Variants in TMEM25 observed in about 807,000 individuals in gnomAD.
The protein encoded by TMEM25 is transmembrane protein 25, also known as 0610039J01Rik.
Under a neutral mutation model 37.0 loss-of-function variants are expected in TMEM25, and 36 were observed. The ratio of observed to expected loss-of-function variants is 0.97; its 90% confidence interval spans 0.75 to 1.28. The LOEUF (loss-of-function observed/expected upper bound fraction) is 1.28, where lower values mean the gene tolerates loss of function less well. Among genes scored for constraint, TMEM25 ranks in the 50% most tolerant of loss-of-function variants. The pLI, the probability that TMEM25 is intolerant of heterozygous loss-of-function variation, is 0.00. For missense variants in TMEM25, 444 were observed against 477.9 expected (o/e 0.93, Z 0.66); for synonymous variants, 197 against 203.7 (o/e 0.97, Z 0.28).
downstream of TMEM25, among the ~76,000 whole-genome samples, chr11:118,539,159 CA>C (rs1951546550): frequency 1.5e-5 from 2 of 136,438 alleles, no homozygotes; most frequent in Non-Finnish European, 3.1e-5. Flanking sequence ...AGGTCTTGGT[CA>C]TAAATTTTTT....
At chr11:118,532,016 C>T in intron 2 of TMEM25, 134 bp from the exon 3 acceptor site, 1 of 1,360,316 alleles carries the variant, frequency 7.4e-7, no homozygotes, top group Non-Finnish European at 9.9e-7. Flanking sequence ...TAGGTCCAAC[C>T]AGCCAGTCCC....
intron 8 of TMEM25, among the ~76,000 whole-genome samples, chr11:118,543,359 T>G (rs1307749081): frequency 1.3e-5 from 2 of 152,180 alleles, no homozygotes; most frequent in African/African-American, 4.8e-5. Context: ...GTTTTGTTTT[T>G]TTAGACAGCA....
intron 2 of TMEM25, 131 bp from the exon 3 acceptor site, chr11:118,532,019 C>T: frequency 7.4e-7 from 1 of 1,358,454 alleles, no homozygotes; most frequent in Non-Finnish European, 9.9e-7. Flanking sequence ...GTCCAACCAG[C>T]CAGTCCCTGG....
In TMEM25 at chr11:118,534,297, G is replaced by A; in HGVS notation, c.969G>A (p.Gln323=). 1.2e-6 allele frequency: 2 copies of A among 1,614,180 alleles called. No homozygotes were observed. Among genetic ancestry groups the A allele is most frequent in the Non-Finnish European group, 1.7e-6 (2 of 1,180,032 alleles). Residue 323 remains glutamine (Q), a synonymous_variant, in exon 8 of 9, where the codon CAG becomes CAA. Coordinates refer to ENST00000313236, the MANE Select transcript of TMEM25 (RefSeq NM_032780.4). The surrounding 1 kb of genome is among the most constrained non-coding windows in gnomAD (Gnocchi z 4.6). ...AVKPADRQMA[Q]NNSRPELLDP... ...AACCAGCAGACCGGCAGATGGCTCA[G>A]AACAACAGCCGGCCAGAGCTTCTGG...
At chr11:118,533,808 G>A in intron 5 of TMEM25, 49 bp from the exon 6 acceptor site, 1 of 1,613,308 alleles carries the variant, frequency 6.2e-7, no homozygotes, top group Non-Finnish European at 8.5e-7. Flanking sequence ...GGACAGCCCA[G>A]CGTGGGAGGG....
rs1555058656 is a variant in TMEM25 at position 118,531,895 on chromosome 11, C to T, written c.70+24C>T. The T allele has an allele frequency of 7.1e-5, 110 of 1,550,966 alleles. 1 individual carries two copies. The highest frequency in any genetic ancestry group is 9.3e-5 in the Non-Finnish European group (107 of 1,146,766). Reference sequence around the variant, plus strand: ...AGGTACACCCCTGTTCAGTCGTTGACCAAGTCCTTCTGGGTTCCAAAGCCC... The same window carrying T: ...AGGTACACCCCTGTTCAGTCGTTGATCAAGTCCTTCTGGGTTCCAAAGCCC... On this transcript the variant is annotated intron_variant, in intron 2 of 8. Coordinates refer to ENST00000313236, the MANE Select transcript of TMEM25 (RefSeq NM_032780.4).
Position 118,534,816 on chromosome 11 carries a change from T to C in TMEM25, c.*236T>C. The C allele has an allele frequency of 7.3e-7, 1 of 1,374,804 alleles. No homozygotes were observed. Among genetic ancestry groups the C allele is most frequent in the East Asian group, 2.9e-5 (1 of 34,534 alleles). 85.2% of individuals were successfully genotyped at this position (1,374,804 alleles called of 1,614,324 possible). ...CCAGTTGGACGTAAGCCCCTCATGC[T>C]GACTCAGGGTGGGCCCTGCATGTGA... is the stretch of plus-strand genomic sequence containing the variant. On this transcript the variant is annotated 3_prime_UTR_variant, in exon 9 of 9. Coordinates refer to ENST00000313236, the MANE Select transcript of TMEM25 (RefSeq NM_032780.4). The surrounding 1 kb of genome is among the most constrained non-coding windows in gnomAD (Gnocchi z 4.6).
intron 8 of TMEM25, chr11:118,545,731 G>A: frequency 1.3e-6 from 2 of 1,527,996 alleles, no homozygotes; most frequent in South Asian, 1.1e-5. Context: ...AAACAAGCCT[G>A]TCCAAAAGCC....
chr11:118,534,730 G>A lies in TMEM25; in HGVS notation c.*150G>A, dbSNP rs1951459349. ...CTGGCTGGGGTGCCCTCCATGTCAT[G>A]CACGTGATGCATTTCACTGGGCTGT... On this transcript the variant is annotated 3_prime_UTR_variant, in exon 9 of 9. Coordinates refer to ENST00000313236, the MANE Select transcript of TMEM25 (RefSeq NM_032780.4). This position sits in a 1 kb window ranked among gnomAD's most constrained non-coding sequence, Gnocchi z 4.6. The A allele has an allele frequency of 8.2e-6, 12 of 1,454,554 alleles. No homozygotes were observed. Among genetic ancestry groups the A allele is most frequent in the Non-Finnish European group, 1.1e-5 (12 of 1,103,492 alleles). The allele number at this position is 1,454,554 out of a possible 1,614,324, so 90.1% of individuals were successfully genotyped here.
At chr11:118,539,244 T>G (rs1555064621), downstream of TMEM25, among the ~76,000 whole-genome samples, 1 of 140,980 alleles carries the variant, frequency 7.1e-6, no homozygotes, top group Admixed American at 7.5e-5. Context: ...CTCGGCTCAC[T>G]GCAACCTCCA....
chr11:118,533,814 G>C, intron 5 of TMEM25, 43 bp from the exon 6 acceptor site: 1 of 1,613,478 alleles, frequency 6.2e-7, no homozygotes. Context: ...CCCAGCGTGG[G>C]AGGGCACACT....
intron 3 of TMEM25, 26 bp from the exon 4 acceptor site, chr11:118,532,891 G>A: frequency 6.3e-7 from 1 of 1,596,676 alleles, no homozygotes. Context: ...TGTGGTGAGA[G>A]CATATTGGCC....
chr11:118,533,255 G>A, intron 4 of TMEM25, 48 bp downstream of exon 4: 1 of 1,559,682 alleles, frequency 6.4e-7, no homozygotes. Flanking sequence ...GTGGGCTCAG[G>A]GGTCCCGTCC....
At chr11:118,537,540 T>TTTAAG (rs1951526917), downstream of TMEM25, among the ~76,000 whole-genome samples, 1 of 152,218 alleles carries the variant, frequency 6.6e-6, no homozygotes, top group Non-Finnish European at 1.5e-5. Context: ...TTTAACTCAC[T>TTTAAG]TCTTTTGTTT....
chr11:118,535,779 C>T lies in TMEM25; in HGVS notation c.*1199C>T. On this transcript the variant is annotated 3_prime_UTR_variant, in exon 9 of 9. Transcript: ENST00000313236. Reference sequence around the variant, plus strand: ...TTTTGTAATGTTTTTCATGTTACTGCCTAGGGCGGTGCTGAGCACACAGCA... The same window carrying T: ...TTTTGTAATGTTTTTCATGTTACTGTCTAGGGCGGTGCTGAGCACACAGCA... 2 of 1,340,992 alleles carry T rather than the reference C, an allele frequency of 1.5e-6. No homozygotes were observed. The highest frequency in any genetic ancestry group is 1.9e-6 in the Non-Finnish European group (2 of 1,049,048). The allele number at this position is 1,340,992 out of a possible 1,614,324, so 83.1% of individuals were successfully genotyped here.
intron 8 of TMEM25, among the ~76,000 whole-genome samples, chr11:118,543,799 T>TAAAC (rs1232890744): frequency 3.3e-5 from 5 of 149,456 alleles, no homozygotes; most frequent in East Asian, 2.0e-4. Context: ...TTCCCCATAT[T>TAAAC]AAACACCCCC....
chr11:118,532,826 C>G, intron 3 of TMEM25, 91 bp from the exon 4 acceptor site: 1 of 1,522,008 alleles, frequency 6.6e-7, no homozygotes, highest in East Asian at 2.3e-5. Context: ...AGGAGAGGCC[C>G]AGGCCCCTGG....
downstream of TMEM25, chr11:118,546,958 A>T (rs571794312): frequency 6.6e-6 from 1 of 152,368 alleles, no homozygotes; most frequent in East Asian, 1.9e-4. Context: ...AAAACAGAGT[A>T]CATATAGTTC....
chr11:118,546,007 C>A lies in TMEM25; in HGVS notation c.1028-112C>A, dbSNP rs143750903. 8.0e-4 allele frequency: 574 copies of A among 719,342 alleles called. 2 individuals carry two copies. In the African/African-American group the frequency reaches 8.5e-3, roughly 11 times the overall value. 44.6% of individuals were successfully genotyped at this position (719,342 alleles called of 1,614,324 possible). ...AATTCAGATATTGAGTTCCTAACTC[C>A]CTGTACTTCAGAATGTGACTATATT... On this transcript the variant is annotated intron_variant, in intron 8 of 8. Transcript: ENST00000354284.
Sources: allele counts gnomAD v4.1 joint callset (sites outside exome capture counted in the v4.1 genomes callset), GRCh38; gene constraint gnomAD v4.1.1; non-coding constraint Gnocchi (gnomAD v3.1); transcripts MANE v1.5; gene names NCBI Gene and HGNC (gene_info 2026-07-23, HGNC 2026-07-21).